ALDH1A2: variants seen among roughly 807,000 people sequenced by gnomAD.
ALDH1A2 encodes retinal dehydrogenase 2.
Under a neutral mutation model 60.3 loss-of-function variants are expected in ALDH1A2, and 27 were observed. The observed-to-expected ratio is 0.45, with a 90% CI of 0.33 to 0.62. The LOEUF (loss-of-function observed/expected upper bound fraction) is 0.62, where lower values mean the gene tolerates loss of function less well. Among genes scored for constraint, ALDH1A2 ranks in the 20% least tolerant of loss-of-function variants. The pLI, the probability that ALDH1A2 is intolerant of heterozygous loss-of-function variation, is 0.02. For synonymous variants in ALDH1A2, 289 were observed against 232.4 expected, an observed-to-expected ratio of 1.24 and a Z score of -2.21; for missense variants, 581 against 643.8, an observed-to-expected ratio of 0.90 and a Z score of 1.06.
intron 1 of ALDH1A2, among the ~76,000 whole-genome samples, chr15:58,031,186 A>T (rs1469455485): frequency 6.6e-6 from 1 of 152,162 alleles, no homozygotes. Flanking sequence ...AATGGAACAC[A>T]ACAGAGGCCT....
chr15:58,014,642 A>G (rs1726499453), intron 1 of ALDH1A2: 2 of 421,662 alleles, frequency 4.7e-6, no homozygotes, highest in Non-Finnish European at 9.4e-6. Flanking sequence ...TAGCAGATCA[A>G]ACTTACAGTC....
At chr15:57,966,976 G>C (rs1480051731) in intron 7 of ALDH1A2, among the ~76,000 whole-genome samples, 1 of 152,192 alleles carries the variant, frequency 6.6e-6, no homozygotes, top group Admixed American at 6.5e-5. Flanking sequence ...ATTTGGTCTT[G>C]TTGAGATGAA....
In ALDH1A2 at chr15:57,973,534, T is replaced by C. The variant is rs191673973; in HGVS notation, c.799-7707A>G. ...AATCTATACAACTTCTCAGGTAGCC[T>C]GCAAAGTTAGAATAAATGGATAAAG... On this transcript the variant is annotated intron_variant, in intron 7 of 12. Transcript: ENST00000249750. 2.1e-3 allele frequency among the ~76,000 whole-genome samples: 316 copies of C among 152,304 alleles called. 1 individual carries two copies. Among genetic ancestry groups the C allele is most frequent in the African/African-American group, 7.5e-3 (310 of 41,550 alleles).
chr15:57,991,017 G>C (rs1482246237), intron 7 of ALDH1A2, among the ~76,000 whole-genome samples: 1 of 152,008 alleles, frequency 6.6e-6, no homozygotes, highest in African/African-American at 2.4e-5. Context: ...ATAGAACCAA[G>C]AACTTTACTT....
At chr15:58,011,523 A>G (rs914200371) in intron 3 of ALDH1A2, among the ~76,000 whole-genome samples, 22 of 152,350 alleles carry the variant, frequency 1.4e-4, no homozygotes, top group Admixed American at 1.1e-3. Context: ...CTTGAGAAAT[A>G]TTAAAGGTGT....
intron 1 of ALDH1A2, among the ~76,000 whole-genome samples, chr15:58,055,856 A>G (rs1025933282): frequency 1.3e-5 from 2 of 152,082 alleles, no homozygotes; most frequent in Non-Finnish European, 2.9e-5. Context: ...CACTAACAGG[A>G]TGAAGTATAT....
chr15:58,027,557 T>A (rs772473910), intron 1 of ALDH1A2, among the ~76,000 whole-genome samples: 1 of 152,136 alleles, frequency 6.6e-6, no homozygotes, highest in Non-Finnish European at 1.5e-5. Flanking sequence ...GTTTGATGAG[T>A]TGACAGAAGT....
intron 4 of ALDH1A2, among the ~76,000 whole-genome samples, chr15:58,007,377 G>T (rs1895494316): frequency 6.6e-6 from 1 of 151,922 alleles, no homozygotes; most frequent in South Asian, 2.1e-4. Flanking sequence ...ATAAAAATCT[G>T]CACTGGGGTA....
At chr15:57,988,846 C>T (rs1464047843) in intron 7 of ALDH1A2, among the ~76,000 whole-genome samples, 4 of 151,404 alleles carry the variant, frequency 2.6e-5, no homozygotes, top group African/African-American at 9.7e-5. Context: ...AGAGGAGATT[C>T]CATTTATTCA....
chr15:58,045,907 A>G (rs146698822), intron 1 of ALDH1A2, among the ~76,000 whole-genome samples: 2,123 of 152,158 alleles, frequency 0.014, 57 homozygotes, highest in African/African-American at 0.047. Context: ...AAAATTCATA[A>G]TGGTACTTTA....
intron 1 of ALDH1A2, among the ~76,000 whole-genome samples, chr15:58,023,024 A>T (rs1444371882): frequency 6.6e-6 from 1 of 152,270 alleles, no homozygotes; most frequent in Non-Finnish European, 1.5e-5. Flanking sequence ...AAAATCCCAG[A>T]TAAAGAATTC....
chr15:58,061,519 G>A (rs1897031391), intron 1 of ALDH1A2, among the ~76,000 whole-genome samples: 1 of 148,246 alleles, frequency 6.7e-6, no homozygotes, highest in Admixed American at 6.8e-5. Context: ...CTTCTTAAGA[G>A]GGGTAGACTA....
Position 58,047,908 on chromosome 15 carries a change from G to T in ALDH1A2, c.117+17626C>A, listed in dbSNP as rs556474757. ...TTTTTCACTTTAAAGTCAATGTTTT[G>T]ATATTATAGGGACATGGGCTTTGTT... On this transcript the variant is annotated intron_variant, in intron 1 of 12. Coordinates refer to ENST00000249750, the MANE Select transcript of ALDH1A2 (RefSeq NM_003888.4). 1.1e-4 allele frequency among the ~76,000 whole-genome samples: 16 copies of T among 152,114 alleles called. 1 individual carries two copies. In the South Asian group the frequency reaches 3.1e-3, roughly 30 times the overall value.
At chr15:57,980,233 G>A (rs75116168) in intron 7 of ALDH1A2, 14 of 335,730 alleles carry the variant, frequency 4.2e-5, no homozygotes, top group African/African-American at 8.6e-5. Flanking sequence ...TGTCCACCCC[G>A]CTCTGCGGCC....
At chr15:58,025,825 CAG>C (rs1221384043) in intron 1 of ALDH1A2, among the ~76,000 whole-genome samples, 2 of 152,148 alleles carry the variant, frequency 1.3e-5, no homozygotes, top group African/African-American at 4.8e-5. Context: ...TACATGGTGA[CAG>C]AGAGAGCAAG....
intron 3 of ALDH1A2, among the ~76,000 whole-genome samples, chr15:58,012,309 C>T (rs1324453719): frequency 6.6e-6 from 1 of 152,134 alleles, no homozygotes; most frequent in Non-Finnish European, 1.5e-5. Context: ...TATTGACAAC[C>T]TATGTGCCCT....
At chr15:58,031,313 T>C (rs1273061348) in intron 1 of ALDH1A2, among the ~76,000 whole-genome samples, 2 of 152,206 alleles carry the variant, frequency 1.3e-5, no homozygotes, top group East Asian at 1.9e-4. Context: ...GCTAGTCACA[T>C]GCAGAAAGCT....
chr15:58,021,363 C>CAGAAAAGTAAG lies in ALDH1A2; in HGVS notation c.118-7083_118-7082insCTTACTTTTCT, dbSNP rs1432374247. Reference sequence around the variant, plus strand: ...TCAACAAAGAAGGGACAGGAAGCACCAAAAGTAAGAAAAGAGGTTGCCTCT... The same window carrying CAGAAAAGTAAG: ...TCAACAAAGAAGGGACAGGAAGCACCAGAAAAGTAAGAAAAGTAAGAAAAGAGGTTGCCTCT... On this transcript the variant is annotated intron_variant, in intron 1 of 12. Coordinates refer to ENST00000249750, the MANE Select transcript of ALDH1A2 (RefSeq NM_003888.4). Among the ~76,000 whole-genome samples, 249 of 152,178 alleles carry CAGAAAAGTAAG rather than the reference C, an allele frequency of 1.6e-3. 1 individual carries two copies. Among genetic ancestry groups the CAGAAAAGTAAG allele is most frequent in the Non-Finnish European group, 2.7e-3 (183 of 67,980 alleles).
intron 7 of ALDH1A2, among the ~76,000 whole-genome samples, chr15:57,977,470 G>T (rs1256361959): frequency 1.3e-5 from 2 of 151,722 alleles, no homozygotes; most frequent in African/African-American, 4.8e-5. Flanking sequence ...TGGCTAGCCA[G>T]TTTTCCCAAT....
Sources: gnomAD v4.1 joint callset for allele counts (sites outside exome capture counted in the v4.1 genomes callset) on GRCh38, gnomAD v4.1.1 for gene constraint, MANE v1.5 for transcripts, NCBI Gene and HGNC (gene_info 2026-07-23, HGNC 2026-07-21) for gene names.